Variants in PCSK5 observed in about 807,000 individuals in gnomAD.
The protein encoded by PCSK5 is prohormone convertase 5.
A neutral mutation model predicts 233.2 loss-of-function variants in PCSK5; 129 were observed. That is an observed-to-expected ratio of 0.55 (90% CI 0.48 to 0.64). The LOEUF is 0.64. PCSK5 is among the 30% of genes least tolerant of loss of function. The probability of loss-of-function intolerance (pLI) is 0.00; values close to 1 mark genes in which losing one functional copy is unlikely to be tolerated. For missense variants in PCSK5, 2,076 were observed against 2,430.1 expected (o/e 0.85, Z 3.06); for synonymous variants, 825 against 879.2 (o/e 0.94, Z 1.09).
chr9:76,327,902 G>A (rs933185803), intron 32 of PCSK5, 107 bp from the exon 33 acceptor site: 19 of 760,398 alleles, frequency 2.5e-5, no homozygotes, highest in African/African-American at 8.5e-5. Flanking sequence ...GGAAATCTCC[G>A]GAAGAAATGT....
At chr9:76,115,502 G>T (rs1400875101) in intron 9 of PCSK5, among the ~76,000 whole-genome samples, 1 of 152,140 alleles carries the variant, frequency 6.6e-6, no homozygotes, top group African/African-American at 2.4e-5. Context: ...ATATTAGTGA[G>T]TTTACAAGAA....
chr9:75,942,438 A>G (rs1305305289), intron 2 of PCSK5, among the ~76,000 whole-genome samples: 1 of 152,198 alleles, frequency 6.6e-6, no homozygotes, highest in Non-Finnish European at 1.5e-5. Flanking sequence ...TCACATGGCC[A>G]CACAATATTA....
At chr9:76,185,955 T>G (rs56001645) in intron 17 of PCSK5, among the ~76,000 whole-genome samples, 1,795 of 152,326 alleles carry the variant, frequency 0.012, 36 homozygotes, top group African/African-American at 0.041. Flanking sequence ...TAAATTATTT[T>G]ATTTCTTAGG....
At chr9:75,953,346 C>T (rs570277175) in intron 2 of PCSK5, among the ~76,000 whole-genome samples, 3 of 152,172 alleles carry the variant, frequency 2.0e-5, no homozygotes, top group East Asian at 3.9e-4. Context: ...TTCCAGAAAG[C>T]GTAGCAACCA....
rs751306216 is a variant in PCSK5 at position 76,033,874 on chromosome 9, G to A, written c.632+6837G>A. Among the ~76,000 whole-genome samples, 5 of 152,084 alleles carry A rather than the reference G, an allele frequency of 3.3e-5. No homozygotes were observed. The South Asian group carries it at 6.2e-4, about 19-fold the overall frequency. ...CCACCTTCACAACCTAGTCACCACCGCCCAAAGCCCCACCTCTTAACACCA... is the reference window on the plus strand; with the variant it reads ...CCACCTTCACAACCTAGTCACCACCACCCAAAGCCCCACCTCTTAACACCA... On this transcript the variant is annotated intron_variant, in intron 5 of 37. Coordinates refer to ENST00000674117, the MANE Select transcript of PCSK5 (RefSeq NM_001372043.1).
At chr9:76,312,044 G>T (rs1044079178) in intron 30 of PCSK5, among the ~76,000 whole-genome samples, 5 of 152,158 alleles carry the variant, frequency 3.3e-5, no homozygotes, top group Non-Finnish European at 1.5e-5. Flanking sequence ...TATAGGAGTG[G>T]TTTAGGCTGA....
At chr9:76,132,170 C>T (rs1227439280) in intron 9 of PCSK5, among the ~76,000 whole-genome samples, 1 of 152,052 alleles carries the variant, frequency 6.6e-6, no homozygotes, top group Non-Finnish European at 1.5e-5. Flanking sequence ...ATTTCCGTGA[C>T]AGTAGTGCAT....
intron 7 of PCSK5, among the ~76,000 whole-genome samples, chr9:76,093,878 T>G (rs1398345766): frequency 6.6e-6 from 1 of 152,222 alleles, no homozygotes; most frequent in Admixed American, 6.5e-5. Context: ...TTTCTCAGTC[T>G]GACCACCCTC....
chr9:76,357,404 C>G (rs1238765381), intron 37 of PCSK5, among the ~76,000 whole-genome samples: 2 of 152,038 alleles, frequency 1.3e-5, no homozygotes, highest in Non-Finnish European at 2.9e-5. Flanking sequence ...GTAGTCCTAG[C>G]TACACAGGAG....
chr9:76,201,567 G>A (rs914894567), intron 20 of PCSK5, among the ~76,000 whole-genome samples: 27 of 152,156 alleles, frequency 1.8e-4, no homozygotes, highest in East Asian at 1.9e-4. Context: ...AGTGTGCGAC[G>A]GGTTTCTATA....
rs1564094049 is a variant in PCSK5 at position 76,189,709 on chromosome 9, C to A, written c.2589C>A (p.Asp863Glu). The stretch of plus-strand genomic sequence containing the variant: ...GCTGCCCTAGTGGGTATCTCTTAGA[C>A]TTAGGAATGTGTCAAATGGGAGCCA... ...CTSCPSGYLL[D>E]LGMCQMGAIC... Residue 863 changes from aspartate (D) to glutamate (E), a missense_variant, in exon 20 of 38, where the codon GAC (aspartate) becomes GAA (glutamate). Asp to Glu is a conservative substitution (Grantham distance 45). Coordinates refer to ENST00000674117, the MANE Select transcript of PCSK5 (RefSeq NM_001372043.1). The A allele has an allele frequency of 6.2e-7, 1 of 1,611,444 alleles. No individual in the cohort carries two copies.
intron 24 of PCSK5, among the ~76,000 whole-genome samples, chr9:76,247,972 G>C (rs1433803123): frequency 6.6e-6 from 1 of 152,144 alleles, no homozygotes; most frequent in African/African-American, 2.4e-5. Flanking sequence ...TTTTAGTAGA[G>C]ATGGAGTTTC....
chr9:76,163,590 C>T (rs1822962272), intron 12 of PCSK5, among the ~76,000 whole-genome samples: 1 of 152,192 alleles, frequency 6.6e-6, no homozygotes, highest in Non-Finnish European at 1.5e-5. Context: ...TGGTTCTCCC[C>T]TTGGCCTGTA....
At position 76,175,027 on chromosome 9, in the gene PCSK5, G is replaced by A. The variant is rs767245190; in HGVS notation, c.1798G>A (p.Val600Met). Residue 600 changes from valine to methionine, a missense_variant, in exon 14 of 38, where the codon GTG becomes ATG. Coordinates refer to ENST00000674117, the MANE Select transcript of PCSK5 (RefSeq NM_001372043.1). ...GTCTTTGGTCCTCTACGGCACCTCCGTGCAGCCATATTCACCAACCAATGA... is the reference window on the plus strand; with the variant it reads ...GTCTTTGGTCCTCTACGGCACCTCCATGCAGCCATATTCACCAACCAATGA... ...EWSLVLYGTS[V>M]QPYSPTNEFP... 88 of 1,613,718 alleles carry A rather than the reference G, an allele frequency of 5.5e-5. No individual in the cohort carries two copies. The highest frequency in any genetic ancestry group is 6.8e-5 in the Non-Finnish European group (80 of 1,179,884).
At chr9:75,907,113 C>T (rs938227734) in intron 1 of PCSK5, among the ~76,000 whole-genome samples, 1 of 152,106 alleles carries the variant, frequency 6.6e-6, no homozygotes, top group Non-Finnish European at 1.5e-5. Flanking sequence ...GGTAAAATTG[C>T]TCTGATTTTT....
chr9:76,004,078 A>G (rs961661537), intron 3 of PCSK5, among the ~76,000 whole-genome samples: 1 of 152,154 alleles, frequency 6.6e-6, no homozygotes, highest in Non-Finnish European at 1.5e-5. Context: ...GATTATAGGC[A>G]TGAAACACCG....
chr9:76,002,806 C>G (rs1396775382), intron 3 of PCSK5, among the ~76,000 whole-genome samples: 1 of 152,222 alleles, frequency 6.6e-6, no homozygotes, highest in African/African-American at 2.4e-5. Context: ...GCTCCAGGAA[C>G]TCAGTTCTTT....
At chr9:76,045,977 A>T (rs1339751115) in intron 5 of PCSK5, among the ~76,000 whole-genome samples, 1 of 152,026 alleles carries the variant, frequency 6.6e-6, no homozygotes, top group Non-Finnish European at 1.5e-5. Context: ...TAACTACTAC[A>T]TTTTCCCAAA....
chr9:75,964,333 CTTTT>C (rs553188534), intron 2 of PCSK5, among the ~76,000 whole-genome samples: 2 of 152,094 alleles, frequency 1.3e-5, no homozygotes, highest in African/African-American at 2.4e-5. Flanking sequence ...TAATGTTTTT[CTTTT>C]TTAATTTTTT....
Sources: allele counts gnomAD v4.1 joint callset (sites outside exome capture counted in the v4.1 genomes callset), GRCh38; gene constraint gnomAD v4.1.1; transcripts MANE v1.5; gene names NCBI Gene and HGNC (gene_info 2026-07-23, HGNC 2026-07-21).